Variants in SLIT2 observed in about 807,000 individuals in gnomAD.
SLIT2 encodes slit guidance ligand 2, also known as slit homolog 2 protein.
A neutral mutation model predicts 185.7 loss-of-function variants in SLIT2; 41 were observed. The observed-to-expected ratio is 0.22, with a 90% CI of 0.17 to 0.29. The LOEUF (loss-of-function observed/expected upper bound fraction) is 0.29, where lower values mean the gene tolerates loss of function less well. Ranked by LOEUF, SLIT2 falls within the 10% of genes least tolerant of loss-of-function variation. SLIT2 has a pLI of 1.00. For missense variants in SLIT2, 1,571 were observed against 1,909.0 expected, an observed-to-expected ratio of 0.82 and a Z score of 3.30; for synonymous variants, 693 against 680.2, an observed-to-expected ratio of 1.02 and a Z score of -0.29.
intron 4 of SLIT2, among the ~76,000 whole-genome samples, chr4:20,344,430 C>T (rs535195836): frequency 2.0e-5 from 3 of 152,180 alleles, no homozygotes; most frequent in Non-Finnish European, 2.9e-5. Context: ...ATATTTCTCT[C>T]GGTCTCTCTC....
chr4:20,462,125 G>A (rs923199854), intron 4 of SLIT2, among the ~76,000 whole-genome samples: 11 of 150,868 alleles, frequency 7.3e-5, no homozygotes, highest in Non-Finnish European at 1.0e-4. Context: ...CTTTCCAATC[G>A]GTCAAATACT....
At chr4:20,295,322 T>G (rs1319949405) in intron 4 of SLIT2, among the ~76,000 whole-genome samples, 2 of 152,246 alleles carry the variant, frequency 1.3e-5, no homozygotes, top group Non-Finnish European at 2.9e-5. Flanking sequence ...TCTGATACAC[T>G]GTGAGTACAA....
chr4:20,258,516 A>G (rs1712098105), intron 3 of SLIT2, among the ~76,000 whole-genome samples: 1 of 151,832 alleles, frequency 6.6e-6, no homozygotes, highest in Non-Finnish European at 1.5e-5. Context: ...AACATTATGA[A>G]AGTAAGAACT....
chr4:20,503,642 T>C (rs527696764), intron 9 of SLIT2, among the ~76,000 whole-genome samples: 5 of 152,136 alleles, frequency 3.3e-5, no homozygotes, highest in Non-Finnish European at 7.4e-5. Flanking sequence ...CTTGTGAATA[T>C]ATGCATGAAA....
At chr4:20,354,792 C>G (rs1722168676) in intron 4 of SLIT2, among the ~76,000 whole-genome samples, 1 of 151,550 alleles carries the variant, frequency 6.6e-6, no homozygotes, top group African/African-American at 2.4e-5. Context: ...ATATTGTCAC[C>G]ATCTGCTGCA....
chr4:20,504,770 C>G (rs928028758), intron 9 of SLIT2, among the ~76,000 whole-genome samples: 3 of 152,052 alleles, frequency 2.0e-5, no homozygotes, highest in Non-Finnish European at 2.9e-5. Flanking sequence ...ATAGTCCCCC[C>G]TCTTCCACAG....
chr4:20,367,871 T>C (rs2109309262), intron 4 of SLIT2, among the ~76,000 whole-genome samples: 1 of 152,224 alleles, frequency 6.6e-6, no homozygotes, highest in South Asian at 2.1e-4. Flanking sequence ...GTGGGATCCA[T>C]TCAGTCCATT....
chr4:20,486,498 AAAC>A (rs886756142), intron 7 of SLIT2, among the ~76,000 whole-genome samples: 73 of 152,274 alleles, frequency 4.8e-4, no homozygotes, highest in African/African-American at 1.7e-3. Context: ...AGTTAAAAAA[AAAC>A]AACATTTACT....
At position 20,619,052 on chromosome 4, in the gene SLIT2, T is replaced by G. The variant is rs1337618572; in HGVS notation, c.*43T>G. 1.3e-6 allele frequency: 2 copies of G among 1,586,622 alleles called. No homozygotes were observed. The highest frequency in any genetic ancestry group is 2.7e-5 in the African/African-American group (2 of 74,480). On this transcript the variant is annotated 3_prime_UTR_variant, in exon 37 of 37. Coordinates refer to ENST00000504154, the MANE Select transcript of SLIT2 (RefSeq NM_004787.4). ...CTGTCTTTGGAAAAGGTTGTATACTTCTTGACCGTGTGGGACTAATGAATG... is the reference window on the plus strand; with the variant it reads ...CTGTCTTTGGAAAAGGTTGTATACTGCTTGACCGTGTGGGACTAATGAATG...
At chr4:20,540,636 C>T (rs1560178384) in intron 19 of SLIT2, among the ~76,000 whole-genome samples, 4 of 152,016 alleles carry the variant, frequency 2.6e-5, no homozygotes, top group East Asian at 1.9e-4. Flanking sequence ...TTCTCAGTAA[C>T]GGTGGCATGC....
At chr4:20,464,109 A>C (rs1388223825) in intron 4 of SLIT2, among the ~76,000 whole-genome samples, 1 of 152,040 alleles carries the variant, frequency 6.6e-6, no homozygotes, top group Non-Finnish European at 1.5e-5. Context: ...TAGTGTGGAC[A>C]TGCCTCATGC....
At chr4:20,512,297 C>CA (rs1719828340) in intron 11 of SLIT2, among the ~76,000 whole-genome samples, 1 of 152,080 alleles carries the variant, frequency 6.6e-6, no homozygotes, top group Non-Finnish European at 1.5e-5. Flanking sequence ...GCACTCTTTC[C>CA]AAGGGGAGAA....
At chr4:20,522,348 A>G (rs1389407826) in intron 12 of SLIT2, among the ~76,000 whole-genome samples, 1 of 152,140 alleles carries the variant, frequency 6.6e-6, no homozygotes, top group African/African-American at 2.4e-5. Context: ...TACCAACCCT[A>G]TTGAGACCAG....
intron 5 of SLIT2, among the ~76,000 whole-genome samples, chr4:20,476,746 A>C (rs1170712235): frequency 6.6e-6 from 1 of 152,186 alleles, no homozygotes; most frequent in Non-Finnish European, 1.5e-5. Context: ...TGTATATGTA[A>C]TTCAAACTCA....
chr4:20,429,217 G>A (rs1470350314), intron 4 of SLIT2, among the ~76,000 whole-genome samples: 1 of 151,916 alleles, frequency 6.6e-6, no homozygotes, highest in Non-Finnish European at 1.5e-5. Context: ...TTCTCGGTGC[G>A]AGTTTATCGG....
chr4:20,388,634 C>T (rs1242107084), intron 4 of SLIT2, among the ~76,000 whole-genome samples: 12 of 151,428 alleles, frequency 7.9e-5, no homozygotes, highest in East Asian at 1.9e-4. Context: ...ATTAACCAGG[C>T]GTGGTGGCGT....
intron 4 of SLIT2, among the ~76,000 whole-genome samples, chr4:20,286,611 A>T (rs1169849973): frequency 6.6e-6 from 1 of 151,956 alleles, no homozygotes; most frequent in Admixed American, 6.6e-5. Flanking sequence ...GACCAGCCTG[A>T]CCAACATGGT....
At chr4:20,423,960 T>C (rs534156643) in intron 4 of SLIT2, among the ~76,000 whole-genome samples, 39 of 152,242 alleles carry the variant, frequency 2.6e-4, no homozygotes, top group African/African-American at 9.1e-4. Flanking sequence ...AAAGAATCTA[T>C]TGGCAATCTC....
intron 4 of SLIT2, among the ~76,000 whole-genome samples, chr4:20,385,611 C>T (rs1425144635): frequency 6.6e-6 from 1 of 152,064 alleles, no homozygotes. Flanking sequence ...GAAATAAAGT[C>T]AGTTGCATTT....
Sources: allele counts gnomAD v4.1 joint callset (sites outside exome capture counted in the v4.1 genomes callset), GRCh38; gene constraint gnomAD v4.1.1; transcripts MANE v1.5; gene names NCBI Gene and HGNC (gene_info 2026-07-23, HGNC 2026-07-21).